KIF21B: variants seen among roughly 807,000 people sequenced by gnomAD.
KIF21B encodes the protein kinesin family member 21B.
A neutral mutation model predicts 192.9 loss-of-function variants in KIF21B; 85 were observed. That is an observed-to-expected ratio of 0.44 (90% CI 0.37 to 0.53). The LOEUF is 0.53. Ranked by LOEUF, KIF21B falls within the 20% of genes least tolerant of loss-of-function variation. KIF21B has a pLI of 0.00. For synonymous variants in KIF21B, 832 were observed against 884.6 expected (o/e 0.94, Z 1.05); for missense variants, 1,716 against 2,194.8 (o/e 0.78, Z 4.36).
chr1:200,996,939 C>T (rs1657105607), intron 14 of KIF21B, among the ~76,000 whole-genome samples: 1 of 152,174 alleles, frequency 6.6e-6, no homozygotes, highest in Non-Finnish European at 1.5e-5. Flanking sequence ...CAGAAGCTCA[C>T]ACCCTGAGGC....
Position 200,999,894 on chromosome 1 carries a change from C to A in KIF21B, c.1756G>T (p.Glu586Ter). 3 of 1,613,800 alleles carry A rather than the reference C, an allele frequency of 1.9e-6. No homozygotes were observed. The highest frequency in any genetic ancestry group is 2.5e-6 in the Non-Finnish European group (3 of 1,180,010). The change falls in exon 12 of 35, where the codon GAG (glutamate) becomes TAG (stop). Residue 586 changes from glutamate to a stop codon, truncating the protein, a stop_gained. Transcript: ENST00000461742. LOFTEE classifies it high-confidence loss of function. The surrounding 1 kb of genome is among the most constrained non-coding windows in gnomAD (Gnocchi z 4.7). The stretch of plus-strand genomic sequence containing the variant: ...CCCGTGCTCCTCACCTCCTCCGCCT[C>A]GTTCTCATCCGTCTCCTCGCTGTTC... ...QENSEETDEN[E>*]AEEEEEERDE...
chr1:200,999,950 G>A lies in KIF21B; in HGVS notation c.1700C>T (p.Ala567Val), dbSNP rs770560122. The A allele has an allele frequency of 6.2e-7, 1 of 1,613,792 alleles. No homozygotes were observed. The change falls in exon 12 of 35, where the codon GCC becomes GTC. Residue 567 changes from alanine (A) to valine (V), a missense_variant. By Grantham distance (64) the Ala-to-Val change is moderately conservative. Coordinates refer to ENST00000461742, the MANE Select transcript of KIF21B (RefSeq NM_001252102.2). This position sits in a 1 kb window ranked among gnomAD's most constrained non-coding sequence, Gnocchi z 4.7. Reference protein sequence around the residue: ...RQRRKSPEKEAFKKRAKLQQE... With the variant: ...RQRRKSPEKEVFKKRAKLQQE... Reference sequence around the variant, plus strand: ...TTGGAGTTTTGCCCTCTTTTTGAAGGCTTCCTTCTCGGGGCTGCTCAGGGA... The same window carrying A: ...TTGGAGTTTTGCCCTCTTTTTGAAGACTTCCTTCTCGGGGCTGCTCAGGGA...
chr1:201,012,631 C>G (rs1571968805), intron 1 of KIF21B, among the ~76,000 whole-genome samples: 2 of 150,360 alleles, frequency 1.3e-5, no homozygotes, highest in African/African-American at 2.5e-5. Context: ...TCAGAAAACT[C>G]TATGTATGTA....
Position 201,000,745 on chromosome 1 carries a change from T to C in KIF21B, c.1438A>G (p.Asn480Asp), listed in dbSNP as rs763091394. The C allele has an allele frequency of 1.5e-5, 25 of 1,614,212 alleles. No homozygotes were observed. In the East Asian group the frequency reaches 4.9e-4, roughly 32 times the overall value. ...AGCTCCTCGATCTCCCGGATGTAGT[T>C]CTGGATCAGCGCACCAATGGCCTCA... ...GNEAIGALIQ[N>D]YIREIEELRT... Residue 480 changes from asparagine to aspartate, a missense_variant, in exon 10 of 35, where the codon AAC becomes GAC. Physicochemically the swap from Asn to Asp is conservative, Grantham distance 23 (BLOSUM62 1). Around this residue, in one of 3 missense-constraint regions of KIF21B, gnomAD observed 1,087 missense variants for 1,316.6 expected, o/e 0.83. Transcript: ENST00000461742. This position sits in a 1 kb window ranked among gnomAD's most constrained non-coding sequence, Gnocchi z 6.0.
At position 201,004,919 on chromosome 1, in the gene KIF21B, C is replaced by T; in HGVS notation, c.747G>A (p.Val249=). ...GAGGTGTACCATCAGGAAGCCCAGTCACCGCCTCATTCACCTGCAGCAGAA... is the reference window on the plus strand; with the variant it reads ...GAGGTGTACCATCAGGAAGCCCAGTTACCGCCTCATTCACCTGCAGCAGAA... ...CTQPDLVNEA[V]TGLPDGTPPS... Residue 249 remains valine, a synonymous_variant, in exon 6 of 35, where the codon GTG becomes GTA. Transcript: ENST00000461742. 6.2e-7 allele frequency: 1 copy of T among 1,607,866 alleles called. No homozygotes were observed. The highest frequency in any genetic ancestry group is 8.5e-7 in the Non-Finnish European group (1 of 1,174,800).
rs764444091 is a variant in KIF21B at position 200,977,334 on chromosome 1, T to A, written c.4203A>T (p.Thr1401=). Reference sequence around the variant, plus strand: ...GAGCACTGGTGATGGCACGGGTGGATGTGGCGGCACAGGCATCCCCTGAGA... The same window carrying A: ...GAGCACTGGTGATGGCACGGGTGGAAGTGGCGGCACAGGCATCCCCTGAGA... ...QVISGDACAA[T]STRAITSAQG... is the part of the protein sequence containing the mutation. The change falls in exon 31 of 35, where the codon ACA becomes ACT. Residue 1401 remains threonine, a synonymous_variant. Coordinates refer to ENST00000461742, the MANE Select transcript of KIF21B (RefSeq NM_001252102.2). 6.2e-7 allele frequency: 1 copy of A among 1,614,226 alleles called. No individual in the cohort carries two copies. The highest frequency in any genetic ancestry group is 1.1e-5 in the South Asian group (1 of 91,088).
At position 200,991,515 on chromosome 1, in the gene KIF21B, C is replaced by T. The variant is rs550823699; in HGVS notation, c.2454+142G>A. On this transcript the variant is annotated intron_variant, in intron 17 of 34. Transcript: ENST00000461742. Reference sequence around the variant, plus strand: ...GGCAGGGCTTGCTTCCCCTCCCTGCCGGCTCTGGCAGAACTGGGAAATACC... The same window carrying T: ...GGCAGGGCTTGCTTCCCCTCCCTGCTGGCTCTGGCAGAACTGGGAAATACC... 368 of 828,888 alleles carry T rather than the reference C, an allele frequency of 4.4e-4. 4 individuals carry two copies. In the South Asian group the frequency reaches 5.4e-3, roughly 12 times the overall value. The allele number at this position is 828,888 out of a possible 1,614,324, so 51.3% of individuals were successfully genotyped here. A position where few individuals can be genotyped will look rare whatever the true frequency, so the allele number is the denominator to read the frequency against.
At chr1:201,002,090 T>C (rs1000640341) in intron 9 of KIF21B, 71 bp downstream of exon 9, 12 of 1,370,448 alleles carry the variant, frequency 8.8e-6, no homozygotes, top group Admixed American at 5.1e-5. Context: ...CCTGATACTC[T>C]GGGGTGGATG....
intron 30 of KIF21B, among the ~76,000 whole-genome samples, chr1:200,978,861 T>A (rs111638484): frequency 1.5e-4 from 22 of 150,694 alleles, no homozygotes; most frequent in African/African-American, 2.7e-4. Flanking sequence ...TAACTAAAAA[T>A]TTTTTTTTTG....
At chr1:201,015,017 CTCTCATAGACACTATCTAGGGTGCT>C (rs1404673489) in intron 1 of KIF21B, among the ~76,000 whole-genome samples, 1 of 152,198 alleles carries the variant, frequency 6.6e-6, no homozygotes, top group East Asian at 1.9e-4. Context: ...CCAAGACTGC[CTCTCATAGACACTATCTAGGGTGCT>C]TTGCACATGT....
intron 3 of KIF21B, among the ~76,000 whole-genome samples, chr1:201,008,476 T>C (rs2102461632): frequency 6.6e-6 from 1 of 152,276 alleles, no homozygotes; most frequent in Non-Finnish European, 1.5e-5. Context: ...GTGTGGTAAA[T>C]GACTAGCCCA....
At chr1:201,004,593 C>T (rs1657693624) in intron 6 of KIF21B, 138 bp from the exon 7 acceptor site, 7 of 1,119,992 alleles carry the variant, frequency 6.3e-6, no homozygotes, top group East Asian at 2.6e-5. Context: ...TTTATAGGCA[C>T]ATGGATAAGT....
In KIF21B at chr1:201,004,698, C is replaced by T. The variant is rs757578051; in HGVS notation, c.900+68G>A. 6 of 1,584,610 alleles carry T rather than the reference C, an allele frequency of 3.8e-6. No homozygotes were observed. In the South Asian group the frequency reaches 6.6e-5, roughly 18 times the overall value. On this transcript the variant is annotated intron_variant, in intron 6 of 34. Coordinates refer to ENST00000461742, the MANE Select transcript of KIF21B (RefSeq NM_001252102.2). ...GGAGGACTCAGCAGGTGTAGGACTG[C>T]AGGGCCTTGGAGGGGTCTGAGACTG... is the stretch of plus-strand genomic sequence containing the variant.
chr1:201,018,257 C>T lies in KIF21B; in HGVS notation c.41+5086G>A, dbSNP rs551884261. 2.6e-5 allele frequency among the ~76,000 whole-genome samples: 4 copies of T among 152,262 alleles called. No homozygotes were observed. The East Asian group carries it at 7.7e-4, about 29-fold the overall frequency. Reference sequence around the variant, plus strand: ...CAGAATATCCTTCCTGAGAGAGTGCCAAGGTGGAATTCAGGCAGGAAGACA... The same window carrying T: ...CAGAATATCCTTCCTGAGAGAGTGCTAAGGTGGAATTCAGGCAGGAAGACA... On this transcript the variant is annotated intron_variant, in intron 1 of 34. Transcript: ENST00000461742.
intron 29 of KIF21B, among the ~76,000 whole-genome samples, chr1:200,980,005 C>T (rs977957635): frequency 6.6e-6 from 1 of 152,166 alleles, no homozygotes; most frequent in African/African-American, 2.4e-5. Flanking sequence ...GCTAAGGTGT[C>T]CAGGGCTAAA....
At position 200,976,869 on chromosome 1, in the gene KIF21B, A is replaced by T; in HGVS notation, c.4350T>A (p.Thr1450=). The change falls in exon 32 of 35, where the codon ACT becomes ACA. Residue 1450 remains threonine (T), a synonymous_variant. Coordinates refer to ENST00000461742, the MANE Select transcript of KIF21B (RefSeq NM_001252102.2). ...LSRFQPVGKL[T]GHIGPVMCLT... ...GGCACATCACAGGGCCGATGTGGCCAGTCAGCTTGCCGACAGGCTGGAACC... is the reference window on the plus strand; with the variant it reads ...GGCACATCACAGGGCCGATGTGGCCTGTCAGCTTGCCGACAGGCTGGAACC... The T allele has an allele frequency of 6.2e-7, 1 of 1,611,134 alleles. No homozygotes were observed.
chr1:200,990,422 C>T lies in KIF21B; in HGVS notation c.2836-90G>A. ...GCCCATAGCTTCCACCACAGGCTGG[C>T]CTGTGAGGTCCCCCCAGCACCTCTG... On this transcript the variant is annotated intron_variant, in intron 19 of 34. Coordinates refer to ENST00000461742, the MANE Select transcript of KIF21B (RefSeq NM_001252102.2). The surrounding 1 kb of genome is among the most constrained non-coding windows in gnomAD (Gnocchi z 5.4). 2.0e-6 allele frequency: 3 copies of T among 1,471,974 alleles called. No homozygotes were observed. Among genetic ancestry groups the T allele is most frequent in the East Asian group, 2.3e-5 (1 of 43,582 alleles). 91.2% of individuals were successfully genotyped at this position (1,471,974 alleles called of 1,614,324 possible). A position where few individuals can be genotyped will look rare whatever the true frequency, so the allele number is the denominator to read the frequency against.
At chr1:200,994,245 G>A (rs556690871) in intron 15 of KIF21B, among the ~76,000 whole-genome samples, 1 of 152,346 alleles carries the variant, frequency 6.6e-6, no homozygotes, top group East Asian at 1.9e-4. Context: ...CACTTCGCAG[G>A]TTTAAGGTAG....
At position 200,979,855 on chromosome 1, in the gene KIF21B, G is replaced by C; in HGVS notation, c.3980-140C>G. 4 of 602,794 alleles carry C rather than the reference G, an allele frequency of 6.6e-6. No homozygotes were observed. In the South Asian group the frequency reaches 1.2e-4, roughly 19 times the overall value. The allele number at this position is 602,794 out of a possible 1,614,324, so 37.3% of individuals were successfully genotyped here. A position where few individuals can be genotyped will look rare whatever the true frequency, so the allele number is the denominator to read the frequency against. ...GAGGACGGAGCTCCAGGTCTGAAGA[G>C]GAAAAAAACACATACACATGTGCTC... On this transcript the variant is annotated intron_variant, in intron 29 of 34. Transcript: ENST00000461742.
Sources: gnomAD v4.1 joint callset for allele counts (sites outside exome capture counted in the v4.1 genomes callset) on GRCh38, gnomAD v4.1.1 for gene constraint, gnomAD v4.1.1 regional missense constraint, Gnocchi (gnomAD v3.1) non-coding constraint, MANE v1.5 for transcripts, NCBI Gene and HGNC (gene_info 2026-07-23, HGNC 2026-07-21) for gene names.